NEUROD2: variants seen among roughly 807,000 people sequenced by gnomAD.
NEUROD2 encodes neurogenic differentiation factor 2.
A neutral mutation model predicts 9.3 loss-of-function variants in NEUROD2; 5 were observed. The observed-to-expected ratio is 0.54, with a 90% confidence interval of 0.28 to 1.13. NEUROD2 has a LOEUF of 1.13. Ranked by LOEUF, NEUROD2 falls within the 50% of genes most tolerant of loss-of-function variation. The pLI is 0.10. For missense variants in NEUROD2, 376 were observed against 549.2 expected (o/e 0.68, Z 3.15); for synonymous variants, 277 against 257.3 (o/e 1.08, Z -0.73).
In NEUROD2 at chr17:39,603,986, G is replaced by C. The variant is rs530098119; in HGVS notation, c.*1465C>G. 1 of 152,766 alleles carries C rather than the reference G, an allele frequency of 6.5e-6. No homozygotes were observed. The highest frequency in any genetic ancestry group is 1.5e-5 in the Non-Finnish European group (1 of 68,066). 9.5% of individuals were successfully genotyped at this position (152,766 alleles called of 1,614,324 possible). ...TGATCCCCTGCCTCCGGTGGGCAGA[G>C]GGTCTCCTTTTGCCCCTTTTTGGGG... On this transcript the variant is annotated 3_prime_UTR_variant, in exon 2 of 2. Transcript: ENST00000302584.
Position 39,605,312 on chromosome 17 carries a change from C to T in NEUROD2, c.*139G>A. On this transcript the variant is annotated 3_prime_UTR_variant, in exon 2 of 2. Transcript: ENST00000302584. The surrounding 1 kb of genome is among the most constrained non-coding windows in gnomAD (Gnocchi z 6.8). ...ACCCACAGGTAACAGGACTGCGCTG[C>T]CCCAGGAGAGCGGCAGGACCGGTGG... The T allele has an allele frequency of 8.4e-7, 1 of 1,189,048 alleles. No homozygotes were observed. The highest frequency in any genetic ancestry group is 1.6e-5 in the South Asian group (1 of 61,942). The allele number at this position is 1,189,048 out of a possible 1,614,324, so 73.7% of individuals were successfully genotyped here.
chr17:39,605,837 C>T lies in NEUROD2; in HGVS notation c.763G>A (p.Gly255Ser). The stretch of plus-strand genomic sequence containing the variant: ...TGCGCCGCGCCGCCGCCCAGGCCGC[C>T]GGCCGCCTGGCACTGTGCGCCCGCC... ...RLAGAQCQAA[G>S]GLGGGAAHAL... is the part of the protein sequence containing the mutation. The change falls in exon 2 of 2, where the codon GGC becomes AGC. Residue 255 changes from glycine (G) to serine (S), a missense_variant. Physicochemically the swap from Gly to Ser is moderately conservative, Grantham distance 56. Transcript: ENST00000302584. This position sits in a 1 kb window ranked among gnomAD's most constrained non-coding sequence, Gnocchi z 6.8. The T allele has an allele frequency of 7.3e-7, 1 of 1,372,846 alleles. No homozygotes were observed. The highest frequency in any genetic ancestry group is 9.4e-7 in the Non-Finnish European group (1 of 1,069,516). The allele number at this position is 1,372,846 out of a possible 1,614,324, so 85.0% of individuals were successfully genotyped here.
In NEUROD2 at chr17:39,605,269, A is replaced by G; in HGVS notation, c.*182T>C. ...GAAGGCGAGTCCCCTGGGGGAAGCG[A>G]GGCCCCTGGGACAGGCCACCCACAG... is the stretch of plus-strand genomic sequence containing the variant. On this transcript the variant is annotated 3_prime_UTR_variant, in exon 2 of 2. Coordinates refer to ENST00000302584, the MANE Select transcript of NEUROD2 (RefSeq NM_006160.4). This position sits in a 1 kb window ranked among gnomAD's most constrained non-coding sequence, Gnocchi z 6.8. The G allele has an allele frequency of 4.3e-6, 3 of 690,748 alleles. No individual in the cohort carries two copies. The highest frequency in any genetic ancestry group is 4.2e-4 in the Middle Eastern group (1 of 2,358). 42.8% of individuals were successfully genotyped at this position (690,748 alleles called of 1,614,324 possible). A position where few individuals can be genotyped will look rare whatever the true frequency, so the allele number is the denominator to read the frequency against.
chr17:39,607,594 G>A (rs1429308755), intron 1 of NEUROD2, 134 bp downstream of exon 1: 3 of 984,826 alleles, frequency 3.0e-6, no homozygotes, highest in African/African-American at 1.8e-5. Context: ...AGAACCTGGG[G>A]CCCCTCCGAT....
rs758353042 is a variant in NEUROD2, at chr17:39,605,946, C to T, written c.654G>A (p.Glu218=). The T allele has an allele frequency of 1.4e-5, 22 of 1,612,702 alleles. 1 individual carries two copies. The highest frequency in any genetic ancestry group is 6.7e-5 in the Admixed American group (4 of 60,008). Residue 218 remains glutamate (E), a synonymous_variant, in exon 2 of 2, where the codon GAG becomes GAA. Coordinates refer to ENST00000302584, the MANE Select transcript of NEUROD2 (RefSeq NM_006160.4). This position sits in a 1 kb window ranked among gnomAD's most constrained non-coding sequence, Gnocchi z 6.8. Reference sequence around the variant, plus strand: ...AGCGGCCGGCACCGTCGGCGCCTTGCTCCGTGAGGAAGTTGCGAGAGTTGA... The same window carrying T: ...AGCGGCCGGCACCGTCGGCGCCTTGTTCCGTGAGGAAGTTGCGAGAGTTGA... The part of the protein sequence containing the change: ...LQLNSRNFLT[E]QGADGAGRFH...
At chr17:39,607,549 C>A in intron 1 of NEUROD2, 179 bp downstream of exon 1, 1 of 958,192 alleles carries the variant, frequency 1.0e-6, no homozygotes, top group Non-Finnish European at 1.2e-6. Context: ...GACACCTCCT[C>A]TGCAGCCCCC....
intron 1 of NEUROD2, 78 bp downstream of exon 1, chr17:39,607,650 G>A (rs2056775323): frequency 1.0e-6 from 1 of 985,242 alleles, no homozygotes; most frequent in Non-Finnish European, 1.2e-6. Flanking sequence ...AGGTATTTGA[G>A]GACCCTCCTG....
chr17:39,607,201 G>C (rs1479890442), intron 1 of NEUROD2: 1 of 152,180 alleles, frequency 6.6e-6, no homozygotes, highest in African/African-American at 2.4e-5. Context: ...TAGCCGATGC[G>C]TCCCCAGCTC....
At chr17:39,607,562 G>A (rs2056774891) in intron 1 of NEUROD2, 166 bp downstream of exon 1, 1 of 977,382 alleles carries the variant, frequency 1.0e-6, no homozygotes, top group Non-Finnish European at 1.2e-6. Flanking sequence ...CAGCCCCCTG[G>A]GCTGCAGCCC....
chr17:39,606,680 C>T lies in NEUROD2; in HGVS notation c.-5-76G>A, dbSNP rs529551380. The T allele has an allele frequency of 6.5e-5, 89 of 1,373,344 alleles. 1 individual carries two copies. In the African/African-American group the frequency reaches 1.3e-3, roughly 20 times the overall value. 85.1% of individuals were successfully genotyped at this position (1,373,344 alleles called of 1,614,324 possible). ...GGCGCGCTGGGGTACCGACGCCCCC[C>T]CACAACCCTCCTCCACCCCCGAGTC... On this transcript the variant is annotated intron_variant, in intron 1 of 1. Coordinates refer to ENST00000302584, the MANE Select transcript of NEUROD2 (RefSeq NM_006160.4). This position sits in a 1 kb window ranked among gnomAD's most constrained non-coding sequence, Gnocchi z 7.8.
Position 39,605,317 on chromosome 17 carries a change from G to A in NEUROD2, c.*134C>T, listed in dbSNP as rs2056762799. 3 of 1,225,104 alleles carry A rather than the reference G, an allele frequency of 2.4e-6. No individual in the cohort carries two copies. Among genetic ancestry groups the A allele is most frequent in the South Asian group, 3.2e-5 (2 of 62,708 alleles). 75.9% of individuals were successfully genotyped at this position (1,225,104 alleles called of 1,614,324 possible). A position where few individuals can be genotyped will look rare whatever the true frequency, so the allele number is the denominator to read the frequency against. ...CAGGTAACAGGACTGCGCTGCCCCA[G>A]GAGAGCGGCAGGACCGGTGGCCCGC... On this transcript the variant is annotated 3_prime_UTR_variant, in exon 2 of 2. Transcript: ENST00000302584. The surrounding 1 kb of genome is among the most constrained non-coding windows in gnomAD (Gnocchi z 6.8).
At position 39,605,427 on chromosome 17, in the gene NEUROD2, A is replaced by G; in HGVS notation, c.*24T>C. ...AGGGGGGCGGGCAAAGGCAAAAGAA[A>G]AAGAAGGGAGCCGGCGCGAAGTCTC... On this transcript the variant is annotated 3_prime_UTR_variant, in exon 2 of 2. Coordinates refer to ENST00000302584, the MANE Select transcript of NEUROD2 (RefSeq NM_006160.4). The surrounding 1 kb of genome is among the most constrained non-coding windows in gnomAD (Gnocchi z 6.8). The G allele has an allele frequency of 6.5e-7, 1 of 1,529,076 alleles. No individual in the cohort carries two copies. The highest frequency in any genetic ancestry group is 1.2e-5 in the South Asian group (1 of 80,556). 94.7% of individuals were successfully genotyped at this position (1,529,076 alleles called of 1,614,324 possible).
Position 39,605,401 on chromosome 17 carries a change from C to A in NEUROD2, c.*50G>T. 6.7e-7 allele frequency: 1 copy of A among 1,482,130 alleles called. No homozygotes were observed. The highest frequency in any genetic ancestry group is 2.1e-4 in the Middle Eastern group (1 of 4,814). The allele number at this position is 1,482,130 out of a possible 1,614,324, so 91.8% of individuals were successfully genotyped here. A position where few individuals can be genotyped will look rare whatever the true frequency, so the allele number is the denominator to read the frequency against. ...GTCCCTGCGCTCTGGGGGCTGGGGA[C>A]AGGGGGGCGGGCAAAGGCAAAAGAA... On this transcript the variant is annotated 3_prime_UTR_variant, in exon 2 of 2. Transcript: ENST00000302584. This position sits in a 1 kb window ranked among gnomAD's most constrained non-coding sequence, Gnocchi z 6.8.
At position 39,605,481 on chromosome 17, in the gene NEUROD2, G is replaced by A; in HGVS notation, c.1119C>T (p.Tyr373=). The change falls in exon 2 of 2, where the codon TAC becomes TAT. Residue 373 remains tyrosine (Y), a synonymous_variant. Coordinates refer to ENST00000302584, the MANE Select transcript of NEUROD2 (RefSeq NM_006160.4). This position sits in a 1 kb window ranked among gnomAD's most constrained non-coding sequence, Gnocchi z 6.8. ...MHLHHDRGPM[Y]EELNAFFHN is the part of the protein sequence containing the mutation. ...TATGAAAAAACGCATTGAGCTCCTCGTACATGGGGCCCCGGTCGTGGTGAA... is the reference window on the plus strand; with the variant it reads ...TATGAAAAAACGCATTGAGCTCCTCATACATGGGGCCCCGGTCGTGGTGAA... 1.2e-6 allele frequency: 2 copies of A among 1,604,244 alleles called. No individual in the cohort carries two copies. Among genetic ancestry groups the A allele is most frequent in the Non-Finnish European group, 1.7e-6 (2 of 1,174,684 alleles).
Position 39,605,764 on chromosome 17 carries a change from G to A in NEUROD2, c.836C>T (p.Ala279Val). 1.4e-6 allele frequency: 2 copies of A among 1,477,124 alleles called. No individual in the cohort carries two copies. Among genetic ancestry groups the A allele is most frequent in the Admixed American group, 2.4e-5 (1 of 40,844 alleles). 91.5% of individuals were successfully genotyped at this position (1,477,124 alleles called of 1,614,324 possible). Reference protein sequence around the residue: ...GYCAAYETLYAAAGGGGASPD... With the variant: ...GYCAAYETLYVAAGGGGASPD... ...GCTCGCGCCGCCACCGCCTGCCGCC[G>A]CATACAGCGTCTCGTAGGCGGCGCA... The change falls in exon 2 of 2, where the codon GCG (alanine) becomes GTG (valine). Residue 279 changes from alanine to valine, a missense_variant. Ala to Val is a moderately conservative substitution (Grantham distance 64). Coordinates refer to ENST00000302584, the MANE Select transcript of NEUROD2 (RefSeq NM_006160.4). This position sits in a 1 kb window ranked among gnomAD's most constrained non-coding sequence, Gnocchi z 6.8.
chr17:39,606,787 C>T lies in NEUROD2; in HGVS notation c.-5-183G>A. 1 of 592,822 alleles carries T rather than the reference C, an allele frequency of 1.7e-6. No homozygotes were observed. Among genetic ancestry groups the T allele is most frequent in the Non-Finnish European group, 2.7e-6 (1 of 364,112 alleles). The allele number at this position is 592,822 out of a possible 1,614,324, so 36.7% of individuals were successfully genotyped here. ...CCAGAGCCGGCCCAGCCCTACCCGG[C>T]TGCCGGCCTGGGATCTCGGCCCAGG... On this transcript the variant is annotated intron_variant, in intron 1 of 1. Coordinates refer to ENST00000302584, the MANE Select transcript of NEUROD2 (RefSeq NM_006160.4). The surrounding 1 kb of genome is among the most constrained non-coding windows in gnomAD (Gnocchi z 7.8).
intron 1 of NEUROD2, 135 bp downstream of exon 1, chr17:39,607,593 G>T: frequency 2.0e-5 from 20 of 984,966 alleles, no homozygotes; most frequent in Non-Finnish European, 2.4e-5. Context: ...GAGAACCTGG[G>T]GCCCCTCCGA....
rs1004212308 is a variant in NEUROD2 at position 39,606,668 on chromosome 17, AC to A, written c.-5-65del. On this transcript the variant is annotated intron_variant, in intron 1 of 1. Transcript: ENST00000302584. The surrounding 1 kb of genome is among the most constrained non-coding windows in gnomAD (Gnocchi z 7.8). ...CACAAAGTGAGGGGCGCGCTGGGGT[AC>A]CGACGCCCCCCCACAACCCTCCTCC... is the stretch of plus-strand genomic sequence containing the variant. The A allele has an allele frequency of 7.0e-7, 1 of 1,419,346 alleles. No individual in the cohort carries two copies. Among genetic ancestry groups the A allele is most frequent in the African/African-American group, 1.5e-5 (1 of 66,916 alleles). The allele number at this position is 1,419,346 out of a possible 1,614,324, so 87.9% of individuals were successfully genotyped here.
In NEUROD2 at chr17:39,606,415, C is replaced by G. The variant is rs1391060605; in HGVS notation, c.185G>C (p.Gly62Ala). 6.5e-7 allele frequency: 1 copy of G among 1,538,216 alleles called. No individual in the cohort carries two copies. The highest frequency in any genetic ancestry group is 2.4e-5 in the East Asian group (1 of 41,194). Reference sequence around the variant, plus strand: ...CAACGTGGCCTCCGTCCCCTCTTCTCCACGGAGAGGGACTGGCTTGGCCGC... The same window carrying G: ...CAACGTGGCCTCCGTCCCCTCTTCTGCACGGAGAGGGACTGGCTTGGCCGC... Reference protein sequence around the residue: ...ARAAKPVPLRGEEGTEATLAE... With the variant: ...ARAAKPVPLRAEEGTEATLAE... Residue 62 changes from glycine (G) to alanine (A), a missense_variant, in exon 2 of 2, where the codon GGA becomes GCA. Physicochemically the swap from Gly to Ala is moderately conservative, Grantham distance 60. Transcript: ENST00000302584. This position sits in a 1 kb window ranked among gnomAD's most constrained non-coding sequence, Gnocchi z 7.8.
Sources: allele counts gnomAD v4.1 joint callset, GRCh38; gene constraint gnomAD v4.1.1; non-coding constraint Gnocchi (gnomAD v3.1); transcripts MANE v1.5; gene names NCBI Gene and HGNC (gene_info 2026-07-23, HGNC 2026-07-21).